The following TEF variants were observed in gnomAD, a reference collection of about 807,000 sequenced individuals.
TEF encodes the protein thyrotroph embryonic factor.
Under a neutral mutation model 20.8 loss-of-function variants are expected in TEF, and 3 were observed. The ratio of observed to expected loss-of-function variants is 0.14; its 90% CI spans 0.07 to 0.37. The LOEUF (loss-of-function observed/expected upper bound fraction) is 0.37, where lower values mean the gene tolerates loss of function less well. TEF is among the 10% of genes least tolerant of loss of function. The probability of loss-of-function intolerance (pLI) is 1.00; values close to 1 mark genes in which losing one functional copy is unlikely to be tolerated. For missense variants in TEF, 296 were observed against 397.9 expected (o/e 0.74, Z 2.18); for synonymous variants, 180 against 171.1 (o/e 1.05, Z -0.41).
At chr22:41,385,279 G>A (rs950493609) in intron 1 of TEF, among the ~76,000 whole-genome samples, 2 of 152,094 alleles carry the variant, frequency 1.3e-5, no homozygotes, top group Non-Finnish European at 2.9e-5. Context: ...AGAATCGCTT[G>A]AACACGGGAG....
intron 2 of TEF, among the ~76,000 whole-genome samples, chr22:41,390,903 G>A (rs981303745): frequency 2.6e-5 from 4 of 152,050 alleles, no homozygotes; most frequent in Non-Finnish European, 4.4e-5. Flanking sequence ...TGTTTCCTGC[G>A]GCTTTCTCTT....
At chr22:41,370,131 T>G in intron 1 of TEF, 2 of 976,724 alleles carry the variant, frequency 2.0e-6, no homozygotes, top group Non-Finnish European at 2.4e-6. Context: ...TTTTTTTTTT[T>G]TGAGATAAGA....
At position 41,397,825 on chromosome 22, in the gene TEF, G is replaced by A. The variant is rs2037248283; in HGVS notation, c.*1865G>A. On this transcript the variant is annotated 3_prime_UTR_variant, in exon 4 of 4. Coordinates refer to ENST00000266304, the MANE Select transcript of TEF (RefSeq NM_003216.4). Reference sequence around the variant, plus strand: ...CTCTGGCCTGGTGGATCACCAAGAGGGCGGTTCTCATTTTGTTATTAGTGG... The same window carrying A: ...CTCTGGCCTGGTGGATCACCAAGAGAGCGGTTCTCATTTTGTTATTAGTGG... The A allele has an allele frequency of 6.6e-6, 1 of 152,234 alleles. No homozygotes were observed. Among genetic ancestry groups the A allele is most frequent in the African/African-American group, 2.4e-5 (1 of 41,458 alleles). 9.4% of individuals were successfully genotyped at this position (152,234 alleles called of 1,614,324 possible). A position where few individuals can be genotyped will look rare whatever the true frequency, so the allele number is the denominator to read the frequency against.
chr22:41,383,093 C>G, intron 1 of TEF: 1 of 463,928 alleles, frequency 2.2e-6, no homozygotes, highest in Non-Finnish European at 4.5e-6. Flanking sequence ...AGTGTGAGAC[C>G]TTTGCATTTC....
At chr22:41,382,261 T>C in intron 1 of TEF, 60 bp downstream of exon 1, 1 of 631,262 alleles carries the variant, frequency 1.6e-6, no homozygotes, top group East Asian at 7.9e-5. Context: ...GGGCGGGGCC[T>C]CGTGAGGGCG....
chr22:41,389,921 CG>C (rs1335105858), intron 2 of TEF, among the ~76,000 whole-genome samples: 1 of 149,826 alleles, frequency 6.7e-6, no homozygotes, highest in Non-Finnish European at 1.5e-5. Context: ...TTTTTTGAGA[CG>C]GAGTCTTGCT....
At position 41,396,135 on chromosome 22, in the gene TEF, G is replaced by A; in HGVS notation, c.*175G>A. On this transcript the variant is annotated 3_prime_UTR_variant, in exon 4 of 4. Transcript: ENST00000266304. ...TTATACCATGGCCTGCGCACGTGGC[G>A]ACGTCCCTGAGGGGCCAGTCTCCTC... 3 of 665,392 alleles carry A rather than the reference G, an allele frequency of 4.5e-6. No individual in the cohort carries two copies. The highest frequency in any genetic ancestry group is 2.0e-5 in the South Asian group (1 of 50,560). The allele number at this position is 665,392 out of a possible 1,614,324, so 41.2% of individuals were successfully genotyped here. A position where few individuals can be genotyped will look rare whatever the true frequency, so the allele number is the denominator to read the frequency against.
chr22:41,383,546 T>A (rs982306159), intron 1 of TEF, among the ~76,000 whole-genome samples: 1 of 152,178 alleles, frequency 6.6e-6, no homozygotes. Context: ...TCTTCCCAGA[T>A]GAGGAAAATT....
At chr22:41,368,310 GT>G (rs2145956169) in intron 1 of TEF, among the ~76,000 whole-genome samples, 2 of 152,168 alleles carry the variant, frequency 1.3e-5, no homozygotes, top group African/African-American at 4.8e-5. Context: ...TCACCCCCAG[GT>G]CCCCAGGGCT....
intron 1 of TEF, chr22:41,369,336 A>G: frequency 1.2e-6 from 1 of 814,324 alleles, no homozygotes; most frequent in Non-Finnish European, 1.5e-6. Flanking sequence ...AGCTTTGCCG[A>G]GCACTGGCAA....
At chr22:41,390,784 C>T (rs73176694) in intron 2 of TEF, among the ~76,000 whole-genome samples, 29,538 of 152,100 alleles carry the variant, frequency 0.19, 4,014 homozygotes, top group Admixed American at 0.39. Flanking sequence ...TGAGCCACTG[C>T]GCTCAGCCCT....
chr22:41,389,196 T>A (rs759888584), intron 2 of TEF, among the ~76,000 whole-genome samples: 16 of 152,076 alleles, frequency 1.1e-4, no homozygotes, highest in Non-Finnish European at 1.6e-4. Flanking sequence ...GTCAGGAGAT[T>A]GAGACCATCC....
chr22:41,385,154 G>A (rs2037082463), intron 1 of TEF, among the ~76,000 whole-genome samples: 2 of 152,090 alleles, frequency 1.3e-5, no homozygotes, highest in South Asian at 2.1e-4. Flanking sequence ...ACCTGAGGTC[G>A]GGAGTTCAAG....
intron 1 of TEF, among the ~76,000 whole-genome samples, chr22:41,372,088 G>A (rs1384555571): frequency 6.6e-6 from 1 of 152,114 alleles, no homozygotes; most frequent in Non-Finnish European, 1.5e-5. Flanking sequence ...ATGGGGAGAG[G>A]GCCTTCTATG....
chr22:41,381,499 C>G (rs987303215), upstream of TEF, among the ~76,000 whole-genome samples: 5 of 152,204 alleles, frequency 3.3e-5, no homozygotes, highest in African/African-American at 1.2e-4. Flanking sequence ...GTCGCTTTGG[C>G]CGGCCTGGCC....
Position 41,395,977 on chromosome 22 carries a change from G to T in TEF, c.*17G>T. The T allele has an allele frequency of 6.2e-7, 1 of 1,603,440 alleles. No individual in the cohort carries two copies. Among genetic ancestry groups the T allele is most frequent in the Non-Finnish European group, 8.5e-7 (1 of 1,171,698 alleles). On this transcript the variant is annotated 3_prime_UTR_variant, in exon 4 of 4. Coordinates refer to ENST00000266304, the MANE Select transcript of TEF (RefSeq NM_003216.4). ...CCCTTGTAACCCGTGCCCCCCGCCC[G>T]GGCGGGGTACTGCCTGCACCTCAGA...
upstream of TEF, among the ~76,000 whole-genome samples, chr22:41,381,359 C>T (rs1257386926): frequency 2.0e-5 from 3 of 151,536 alleles, no homozygotes. Context: ...CGCCCCGGGC[C>T]CCGCCCCCGC....
intron 1 of TEF, chr22:41,382,942 C>A (rs567679501): frequency 2.1e-6 from 1 of 470,966 alleles, no homozygotes; most frequent in African/African-American, 2.0e-5. Flanking sequence ...TGAGCTTCAT[C>A]TTTTTGCCTA....
chr22:41,391,473 G>A (rs963349238), intron 2 of TEF, among the ~76,000 whole-genome samples: 2 of 150,810 alleles, frequency 1.3e-5, no homozygotes, highest in African/African-American at 2.4e-5. Context: ...TAACAGGCAC[G>A]GCCGGCTACT....
Sources: allele counts gnomAD v4.1 joint callset (sites outside exome capture counted in the v4.1 genomes callset), GRCh38; gene constraint gnomAD v4.1.1; transcripts MANE v1.5; gene names NCBI Gene and HGNC (gene_info 2026-07-23, HGNC 2026-07-21).